Variants in SETX observed in about 807,000 individuals in gnomAD.
SETX encodes helicase senataxin.
A neutral mutation model predicts 227.2 loss-of-function variants in SETX; 90 were observed. The ratio of observed to expected loss-of-function variants is 0.40; its 90% confidence interval spans 0.33 to 0.47. The LOEUF (loss-of-function observed/expected upper bound fraction) is 0.47, where lower values mean the gene tolerates loss of function less well. Ranked by LOEUF, SETX falls within the 20% of genes least tolerant of loss-of-function variation. The pLI is 0.91. For missense variants in SETX, 3,052 were observed against 3,181.5 expected (o/e 0.96, Z 0.98); for synonymous variants, 1,210 against 1,113.2 (o/e 1.09, Z -1.73).
chr9:132,338,825 A>C (rs1847794715), intron 5 of SETX, among the ~76,000 whole-genome samples: 1 of 152,018 alleles, frequency 6.6e-6, no homozygotes, highest in Non-Finnish European at 1.5e-5. Flanking sequence ...CTGGCAGATC[A>C]GGGTTCACTG....
chr9:132,290,468 G>A (rs572929223), intron 15 of SETX, among the ~76,000 whole-genome samples: 19 of 150,816 alleles, frequency 1.3e-4, no homozygotes, highest in African/African-American at 4.4e-4. Flanking sequence ...CTAGCTACTC[G>A]GGAGGCTGAG....
intron 5 of SETX, among the ~76,000 whole-genome samples, chr9:132,339,889 A>G (rs910458581): frequency 3.9e-5 from 6 of 152,150 alleles, no homozygotes; most frequent in Non-Finnish European, 8.8e-5. Context: ...TGCTGGGATT[A>G]CAGGAATGAG....
Position 132,264,968 on chromosome 9 carries a change from A to C in SETX, c.7305T>G (p.Asn2435Lys). The C allele has an allele frequency of 6.2e-7, 1 of 1,613,958 alleles. No homozygotes were observed. The highest frequency in any genetic ancestry group is 8.5e-7 in the Non-Finnish European group (1 of 1,180,030). The stretch of plus-strand genomic sequence containing the variant: ...GCTTCTGAGCATCCTGAATCAGCTG[A>C]TTCCAATGCTGGTTTTCCTTGAAAC... ...LRTLMENQHW[N>K]QLIQDAQKRG... Residue 2435 changes from asparagine (N) to lysine (K), a missense_variant, in exon 26 of 26, where the codon AAT (asparagine) becomes AAG (lysine). Coordinates refer to ENST00000224140, the MANE Select transcript of SETX (RefSeq NM_015046.7).
chr9:132,336,563 C>CA, intron 5 of SETX, 48 bp from the exon 6 acceptor site: 1 of 1,319,338 alleles, frequency 7.6e-7, no homozygotes, highest in Non-Finnish European at 1.1e-6. Flanking sequence ...CAATGGTCTA[C>CA]AAACAGCAAG....
In SETX at chr9:132,326,635, A is replaced by G. The variant is rs142509544; in HGVS notation, c.4963T>C (p.Ser1655Pro). 2.6e-5 allele frequency: 42 copies of G among 1,614,230 alleles called. No individual in the cohort carries two copies. The highest frequency in any genetic ancestry group is 3.5e-5 in the Non-Finnish European group (41 of 1,180,042). Reference protein sequence around the residue: ...AQKPVGEMKNSCNVLHPQSPN... With the variant: ...AQKPVGEMKNPCNVLHPQSPN... ...GACTGAGGATGAAGAACATTGCACG[A>G]ATTCTTCATTTCACCAACTGGCTTC... is the stretch of plus-strand genomic sequence containing the variant. The change falls in exon 10 of 26, where the codon TCG becomes CCG. Residue 1655 changes from serine (S) to proline (P), a missense_variant. Coordinates refer to ENST00000224140, the MANE Select transcript of SETX (RefSeq NM_015046.7).
At chr9:132,320,437 A>C (rs1363501262) in intron 10 of SETX, among the ~76,000 whole-genome samples, 1 of 152,054 alleles carries the variant, frequency 6.6e-6, no homozygotes, top group Non-Finnish European at 1.5e-5. Context: ...AAAATTAGCC[A>C]GACGTGGTGC....
Position 132,328,321 on chromosome 9 carries a change from A to G in SETX, c.3277T>C (p.Trp1093Arg). 6.2e-7 allele frequency: 1 copy of G among 1,614,052 alleles called. No individual in the cohort carries two copies. The highest frequency in any genetic ancestry group is 8.5e-7 in the Non-Finnish European group (1 of 1,180,008). ...FESSSEVFSV[W>R]QDHPDDNNSV... ...TTATTATCGTCTGGATGATCTTGCC[A>G]AACTGAAAACACTTCAGATGAACTT... Residue 1093 changes from tryptophan to arginine, a missense_variant, in exon 10 of 26, where the codon TGG (tryptophan) becomes CGG (arginine). Trp to Arg is a moderately radical substitution (Grantham distance 101). Transcript: ENST00000224140.
intron 17 of SETX, among the ~76,000 whole-genome samples, chr9:132,287,660 C>T (rs1843992529): frequency 6.6e-6 from 1 of 150,394 alleles, no homozygotes; most frequent in African/African-American, 2.5e-5. Context: ...AGCCTAAAAT[C>T]TTTACTAGAA....
rs185105792 is a variant in SETX, at chr9:132,343,530, T to C, written c.389-731A>G. Among the ~76,000 whole-genome samples, 252 of 152,332 alleles carry C rather than the reference T, an allele frequency of 1.7e-3. 2 individuals carry two copies. Among genetic ancestry groups the C allele is most frequent in the Middle Eastern group, 3.4e-3 (1 of 294 alleles). On this transcript the variant is annotated intron_variant, in intron 4 of 25. Coordinates refer to ENST00000224140, the MANE Select transcript of SETX (RefSeq NM_015046.7). Reference sequence around the variant, plus strand: ...TTACTAGCTATCCCACTCCCATTTATTGAACAATCCATTTACCCTTTCAGA... The same window carrying C: ...TTACTAGCTATCCCACTCCCATTTACTGAACAATCCATTTACCCTTTCAGA...
chr9:132,300,815 G>T lies in SETX; in HGVS notation c.5375-12C>A, dbSNP rs1056846779. ...TTCTTCCAGATAAACTATGAAACAA[G>T]AAGAAGTCGGAATTCATATAACTCT... On this transcript the variant is annotated splice_polypyrimidine_tract_variant and intron_variant, in intron 11 of 25. Coordinates refer to ENST00000224140, the MANE Select transcript of SETX (RefSeq NM_015046.7). 3.1e-6 allele frequency: 5 copies of T among 1,605,598 alleles called. No individual in the cohort carries two copies. Among genetic ancestry groups the T allele is most frequent in the Non-Finnish European group, 2.5e-6 (3 of 1,177,676 alleles).
rs1312027158 is a variant in SETX, at chr9:132,264,896, T to G, written c.7377A>C (p.Ala2459=). Reference sequence around the variant, plus strand: ...CAGGCTTGAGTTTCAGAATCTTCACTGCATCATGTCTATAGTTTTTGTCAC... The same window carrying G: ...CAGGCTTGAGTTTCAGAATCTTCACGGCATCATGTCTATAGTTTTTGTCAC... ...KTCDKNYRHD[A]VKILKLKPVL... is the part of the protein sequence containing the mutation. The change falls in exon 26 of 26, where the codon GCA becomes GCC. Residue 2459 remains alanine, a synonymous_variant. Transcript: ENST00000224140. 1 of 1,614,022 alleles carries G rather than the reference T, an allele frequency of 6.2e-7. No homozygotes were observed. Among genetic ancestry groups the G allele is most frequent in the African/African-American group, 1.3e-5 (1 of 74,922 alleles).
At chr9:132,300,879 T>G in intron 11 of SETX, 76 bp from the exon 12 acceptor site, 1 of 1,354,164 alleles carries the variant, frequency 7.4e-7, no homozygotes, top group East Asian at 2.5e-5. Flanking sequence ...TAAAAGAAAT[T>G]AAATCCTTGT....
intron 9 of SETX, among the ~76,000 whole-genome samples, chr9:132,330,780 T>C (rs942463543): frequency 6.6e-6 from 1 of 152,240 alleles, no homozygotes; most frequent in African/African-American, 2.4e-5. Flanking sequence ...CTAGCTAGTT[T>C]TGATTTCTAG....
At chr9:132,281,685 A>G in intron 19 of SETX, 111 bp from the exon 20 acceptor site, 1 of 778,194 alleles carries the variant, frequency 1.3e-6, no homozygotes, top group Non-Finnish European at 2.2e-6. Flanking sequence ...CTTCTCCTGC[A>G]CCAAATATCA....
At chr9:132,348,962 T>C (rs1397886902) in intron 3 of SETX, among the ~76,000 whole-genome samples, 1 of 151,966 alleles carries the variant, frequency 6.6e-6, no homozygotes, top group Non-Finnish European at 1.5e-5. Context: ...TGAAAACCCA[T>C]GTGGCCCATG....
Position 132,283,402 on chromosome 9 carries a change from G to T in SETX, c.6408C>A (p.Arg2136=). 1 of 1,614,150 alleles carries T rather than the reference G, an allele frequency of 6.2e-7. No homozygotes were observed. The highest frequency in any genetic ancestry group is 1.3e-5 in the African/African-American group (1 of 75,032). ...TGATGATACTCTGTGTTTTCTGTGG[G>T]CGTCCTTGAACCTAAGAGAACAAAG... ...LASKIKEVQG[R]PQKTQSIIIL... is the part of the protein sequence containing the mutation. The change falls in exon 19 of 26, where the codon CGC becomes CGA. Residue 2136 remains arginine (R), a synonymous_variant. Coordinates refer to ENST00000224140, the MANE Select transcript of SETX (RefSeq NM_015046.7).
At chr9:132,282,958 T>C in intron 19 of SETX, 1 of 396,078 alleles carries the variant, frequency 2.5e-6, no homozygotes, top group Admixed American at 3.7e-5. Flanking sequence ...TCCAAAATTA[T>C]ATTAAAACTA....
intron 10 of SETX, 44 bp downstream of exon 10, chr9:132,326,280 A>G: frequency 7.1e-7 from 1 of 1,412,914 alleles, no homozygotes; most frequent in Non-Finnish European, 9.9e-7. Flanking sequence ...TAAAGAGGTA[A>G]CTTGAAAAGT....
At chr9:132,308,958 T>C (rs1226132560) in intron 11 of SETX, among the ~76,000 whole-genome samples, 1 of 151,940 alleles carries the variant, frequency 6.6e-6, no homozygotes, top group Non-Finnish European at 1.5e-5. Context: ...GGCCAATAGG[T>C]GAAACCCCGT....
Sources: allele counts gnomAD v4.1 joint callset (sites outside exome capture counted in the v4.1 genomes callset), GRCh38; gene constraint gnomAD v4.1.1; transcripts MANE v1.5; gene names NCBI Gene and HGNC (gene_info 2026-07-23, HGNC 2026-07-21).